The following PCSK9 variants were observed in gnomAD, a reference collection of about 807,000 sequenced individuals.
PCSK9 encodes proprotein convertase subtilisin/kexin type 9.
In PCSK9, 57 loss-of-function variants were observed where a neutral mutation model predicts 62.1. That is an observed-to-expected ratio of 0.92 (90% CI 0.74 to 1.14). The LOEUF is 1.14. Among genes scored for constraint, PCSK9 ranks in the 50% most tolerant of loss-of-function variants. The probability of loss-of-function intolerance (pLI) is 0.00; values close to 1 mark genes in which losing one functional copy is unlikely to be tolerated. For synonymous variants in PCSK9, 387 were observed against 409.4 expected (o/e 0.95, Z 0.66); for missense variants, 870 against 959.8 (o/e 0.91, Z 1.24).
At chr1:55,043,753 T>G in intron 1 of PCSK9, 90 bp from the exon 2 acceptor site, 1 of 1,428,376 alleles carries the variant, frequency 7.0e-7, no homozygotes. Context: ...GTCTCTTTTG[T>G]TGTAATTTGT....
intron 9 of PCSK9, among the ~76,000 whole-genome samples, 185 bp downstream of exon 9, chr1:55,058,832 G>A (rs1300980091): frequency 6.6e-6 from 1 of 152,152 alleles, no homozygotes; most frequent in Non-Finnish European, 1.5e-5. Flanking sequence ...CACTTCACGC[G>A]GCTGGGGGCT....
intron 1 of PCSK9, among the ~76,000 whole-genome samples, chr1:55,043,084 GTGCCA>G (rs1464426795): frequency 6.6e-6 from 1 of 152,190 alleles, no homozygotes; most frequent in Non-Finnish European, 1.5e-5. Flanking sequence ...GCAGATGCTG[GTGCCA>G]TGCTTCCTGG....
intron 2 of PCSK9, among the ~76,000 whole-genome samples, chr1:55,045,823 C>T (rs901690629): frequency 1.3e-5 from 2 of 152,004 alleles, no homozygotes; most frequent in Non-Finnish European, 2.9e-5. Context: ...GATTCTCCTG[C>T]CTCAGCCTCC....
At chr1:55,056,920 G>A (rs1165442994) in intron 6 of PCSK9, among the ~76,000 whole-genome samples, 1 of 63,960 alleles carries the variant, frequency 1.6e-5, no homozygotes, top group Non-Finnish European at 3.5e-5. Context: ...GTACCTGACA[G>A]CGGTAACCTA....
At chr1:55,063,294 GA>G in intron 11 of PCSK9, 74 bp from the exon 12 acceptor site, 1 of 1,495,490 alleles carries the variant, frequency 6.7e-7, no homozygotes. Flanking sequence ...AAGGATGTCG[GA>G]GGGAGAAATG....
In PCSK9 at chr1:55,058,188, C is replaced by T. The variant is rs761383351; in HGVS notation, c.1333C>T (p.Pro445Ser). ...VLTPNLVAAL[P>S]PSTHGAGWQL... ...GACCCCCAACCTGGTGGCCGCCCTGCCCCCCAGCACCCATGGGGCAGGTAA... is the reference window on the plus strand; with the variant it reads ...GACCCCCAACCTGGTGGCCGCCCTGTCCCCCAGCACCCATGGGGCAGGTAA... The change falls in exon 8 of 12, where the codon CCC becomes TCC. Residue 445 changes from proline to serine, a missense_variant. Transcript: ENST00000302118. 8 of 1,612,970 alleles carry T rather than the reference C, an allele frequency of 5.0e-6. No individual in the cohort carries two copies. Among genetic ancestry groups the T allele is most frequent in the Non-Finnish European group, 6.8e-6 (8 of 1,179,832 alleles).
At position 55,064,635 on chromosome 1, in the gene PCSK9, T is replaced by C. The variant is rs1644788351; in HGVS notation, c.*1051T>C. 1 of 152,146 alleles carries C rather than the reference T, an allele frequency of 6.6e-6. No homozygotes were observed. Among genetic ancestry groups the C allele is most frequent in the Non-Finnish European group, 1.5e-5 (1 of 68,040 alleles). 9.4% of individuals were successfully genotyped at this position (152,146 alleles called of 1,614,324 possible). A position where few individuals can be genotyped will look rare whatever the true frequency, so the allele number is the denominator to read the frequency against. The stretch of plus-strand genomic sequence containing the variant: ...TGGCGGAGATGCTTCTAAGGCATGG[T>C]CGGGGGAGAGGGCCAACAACTGTCC... On this transcript the variant is annotated 3_prime_UTR_variant, in exon 12 of 12. Coordinates refer to ENST00000302118, the MANE Select transcript of PCSK9 (RefSeq NM_174936.4).
chr1:55,040,168 C>T lies in PCSK9; in HGVS notation c.207+124C>T, dbSNP rs1327610618. ...AGTGGAGTGCAGGTCGCCGAGGGCT[C>T]TTCGCTTGGCACGATCTTGGGGACT... On this transcript the variant is annotated intron_variant, in intron 1 of 11. Coordinates refer to ENST00000302118, the MANE Select transcript of PCSK9 (RefSeq NM_174936.4). The surrounding 1 kb of genome is among the most constrained non-coding windows in gnomAD (Gnocchi z 4.1). The T allele has an allele frequency of 3.1e-6, 4 of 1,290,336 alleles. No homozygotes were observed. The highest frequency in any genetic ancestry group is 4.3e-6 in the Non-Finnish European group (4 of 938,774). The allele number at this position is 1,290,336 out of a possible 1,614,324, so 79.9% of individuals were successfully genotyped here.
At chr1:55,057,609 C>A in intron 7 of PCSK9, 95 bp downstream of exon 7, 1 of 1,413,052 alleles carries the variant, frequency 7.1e-7, no homozygotes. Context: ...AGGCTCTGTG[C>A]AGGGGGACCA....
chr1:55,056,951 G>A (rs1428299133), intron 6 of PCSK9, among the ~76,000 whole-genome samples: 1 of 152,104 alleles, frequency 6.6e-6, no homozygotes, highest in East Asian at 1.9e-4. Context: ...GGCCTATCAA[G>A]GCTTCCCTGG....
At chr1:55,041,953 C>CT (rs60229590) in intron 1 of PCSK9, among the ~76,000 whole-genome samples, 2,283 of 149,574 alleles carry the variant, frequency 0.015, 46 homozygotes, top group African/African-American at 0.051. Context: ...AGTTCTTTTT[C>CT]TTTTTTTTTT....
chr1:55,052,420 G>A lies in PCSK9; in HGVS notation c.657+9G>A, dbSNP rs11800243. 68,599 of 1,613,596 alleles carry A rather than the reference G, an allele frequency of 0.043. 1,669 individuals carry two copies. Among genetic ancestry groups the A allele is most frequent in the Middle Eastern group, 0.13 (761 of 6,058 alleles). ...CCCGCTTCCACAGACAGGTAAGCAC[G>A]GCCGTCTGATGGGAGGGCTGCCTCT... On this transcript the variant is annotated intron_variant, in intron 4 of 11. Coordinates refer to ENST00000302118, the MANE Select transcript of PCSK9 (RefSeq NM_174936.4).
intron 3 of PCSK9, among the ~76,000 whole-genome samples, chr1:55,048,162 C>T (rs989910615): frequency 1.3e-5 from 2 of 152,176 alleles, no homozygotes; most frequent in African/African-American, 4.8e-5. Flanking sequence ...GGAGAAGCTT[C>T]TCTTGCCTCT....
chr1:55,046,478 C>G (rs765939807), intron 2 of PCSK9, 45 bp from the exon 3 acceptor site: 1 of 1,614,084 alleles, frequency 6.2e-7, no homozygotes. Flanking sequence ...TTGCTGCTGT[C>G]CAAATGGCTT....
intron 2 of PCSK9, among the ~76,000 whole-genome samples, chr1:55,045,079 A>G (rs554139221): frequency 1.3e-5 from 2 of 152,244 alleles, no homozygotes; most frequent in African/African-American, 4.8e-5. Context: ...AGGAGGAGAG[A>G]CTGACCAGTG....
intron 3 of PCSK9, among the ~76,000 whole-genome samples, chr1:55,048,990 G>C (rs1644654811): frequency 6.6e-6 from 1 of 152,246 alleles, no homozygotes; most frequent in Non-Finnish European, 1.5e-5. Context: ...TGAATGAAAT[G>C]AATGTGGTCT....
Position 55,052,416 on chromosome 1 carries a change from G to A in PCSK9, c.657+5G>A, listed in dbSNP as rs758441757. The A allele has an allele frequency of 4.3e-6, 7 of 1,613,720 alleles. No homozygotes were observed. The highest frequency in any genetic ancestry group is 5.1e-6 in the Non-Finnish European group (6 of 1,180,020). ...GGGACCCGCTTCCACAGACAGGTAA[G>A]CACGGCCGTCTGATGGGAGGGCTGC... On this transcript the variant is annotated splice_donor_5th_base_variant and intron_variant, in intron 4 of 11. Coordinates refer to ENST00000302118, the MANE Select transcript of PCSK9 (RefSeq NM_174936.4).
Position 55,058,190 on chromosome 1 carries a change from C to G in PCSK9, c.1335C>G (p.Pro445=). ...CCCCCAACCTGGTGGCCGCCCTGCC[C>G]CCCAGCACCCATGGGGCAGGTAAGC... ...VLTPNLVAAL[P]PSTHGAGWQL... Residue 445 remains proline (P), a synonymous_variant, in exon 8 of 12, where the codon CCC becomes CCG. Coordinates refer to ENST00000302118, the MANE Select transcript of PCSK9 (RefSeq NM_174936.4). 7.4e-6 allele frequency: 12 copies of G among 1,613,094 alleles called. No homozygotes were observed. Among genetic ancestry groups the G allele is most frequent in the Non-Finnish European group, 1.0e-5 (12 of 1,179,878 alleles).
rs564642204 is a variant in PCSK9, at chr1:55,052,218, T to C, written c.524-60T>C. The C allele has an allele frequency of 2.4e-5, 38 of 1,610,354 alleles. No individual in the cohort carries two copies. The African/African-American group carries it at 4.9e-4, about 21-fold the overall frequency. The stretch of plus-strand genomic sequence containing the variant: ...GATGTGCTCTGTAGTTTCTGTGTGT[T>C]AACTATAAGGTTGACTTTATGCTCA... On this transcript the variant is annotated intron_variant, in intron 3 of 11. Transcript: ENST00000302118.
Sources: allele counts gnomAD v4.1 joint callset (sites outside exome capture counted in the v4.1 genomes callset), GRCh38; gene constraint gnomAD v4.1.1; non-coding constraint Gnocchi (gnomAD v3.1); transcripts MANE v1.5; gene names NCBI Gene and HGNC (gene_info 2026-07-23, HGNC 2026-07-21).